The following NETO2 variants were observed in gnomAD, a reference collection of about 807,000 sequenced individuals.
NETO2 encodes neuropilin and tolloid like 2, also known as neuropilin and tolloid-like protein 2.
NETO2 carries 28 observed loss-of-function variants against 62.5 expected under a neutral mutation model. The ratio of observed to expected loss-of-function variants is 0.45; its 90% CI spans 0.33 to 0.61. The LOEUF is 0.61. NETO2 is among the 20% of genes least tolerant of loss of function. The probability of loss-of-function intolerance (pLI) is 0.02; values close to 1 mark genes in which losing one functional copy is unlikely to be tolerated. For synonymous variants in NETO2, 214 were observed against 219.1 expected, an observed-to-expected ratio of 0.98 and a Z score of 0.21; for missense variants, 548 against 643.2, an observed-to-expected ratio of 0.85 and a Z score of 1.60.
rs761473024 is a variant in NETO2, at chr16:47,128,294, C to G, written c.481+31G>C. On this transcript the variant is annotated intron_variant, in intron 4 of 8. Transcript: ENST00000562435. ...TAAAATCAGAGTTAGAGTGAGATGC[C>G]CAACCACTTAAAAGATAACTTATTC... 4.4e-6 allele frequency: 7 copies of G among 1,597,200 alleles called. No homozygotes were observed. In the South Asian group the frequency reaches 6.8e-5, roughly 16 times the overall value.
In NETO2 at chr16:47,109,468, G is replaced by A. The variant is rs780688806; in HGVS notation, c.883+15C>T. 7 of 1,577,396 alleles carry A rather than the reference G, an allele frequency of 4.4e-6. No individual in the cohort carries two copies. In the African/African-American group the frequency reaches 9.5e-5, roughly 21 times the overall value. ...TATGTAAAAGATCTCAATACTATAG[G>A]AATTATTTACTTACGCTCCACAAAG... On this transcript the variant is annotated intron_variant, in intron 7 of 8. Transcript: ENST00000562435.
chr16:47,128,476 C>T lies in NETO2; in HGVS notation c.330G>A (p.Gly110=), dbSNP rs1444837092. The T allele has an allele frequency of 6.2e-7, 1 of 1,614,060 alleles. No homozygotes were observed. Among genetic ancestry groups the T allele is most frequent in the Admixed American group, 1.7e-5 (1 of 60,016 alleles). The part of the protein sequence containing the change: ...CRFDHLEVRD[G]PFGFSPLIDR... Reference sequence around the variant, plus strand: ...CTATAAGAGGAGAGAAACCAAATGGCCCATCTCGAACTTCCAAGTGATCAA... The same window carrying T: ...CTATAAGAGGAGAGAAACCAAATGGTCCATCTCGAACTTCCAAGTGATCAA... The change falls in exon 4 of 9, where the codon GGG becomes GGA. Residue 110 remains glycine, a synonymous_variant. Coordinates refer to ENST00000562435, the MANE Select transcript of NETO2 (RefSeq NM_018092.5).
At chr16:47,112,998 C>G (rs1963832941) in intron 6 of NETO2, among the ~76,000 whole-genome samples, 1 of 152,130 alleles carries the variant, frequency 6.6e-6, no homozygotes, top group Non-Finnish European at 1.5e-5. Flanking sequence ...TATCCATTCT[C>G]CTATTGGGCA....
chr16:47,098,917 A>G (rs1011569315), intron 7 of NETO2, among the ~76,000 whole-genome samples: 4 of 152,124 alleles, frequency 2.6e-5, no homozygotes, highest in African/African-American at 9.7e-5. Flanking sequence ...TCGCTCTGTC[A>G]CAATCTAGGC....
intron 7 of NETO2, among the ~76,000 whole-genome samples, chr16:47,105,756 CAA>C (rs1471482327): frequency 6.6e-6 from 1 of 152,156 alleles, no homozygotes; most frequent in Admixed American, 6.5e-5. Flanking sequence ...TTAGGCAAAT[CAA>C]AACCACAATG....
At chr16:47,099,182 C>T (rs1366768718) in intron 7 of NETO2, among the ~76,000 whole-genome samples, 2 of 152,158 alleles carry the variant, frequency 1.3e-5, no homozygotes, top group Non-Finnish European at 2.9e-5. Context: ...AAAGAATTTT[C>T]AACCCAGAAT....
At chr16:47,143,429 G>A in intron 1 of NETO2, 150 bp downstream of exon 1, 1 of 985,678 alleles carries the variant, frequency 1.0e-6, no homozygotes, top group East Asian at 4.0e-5. Context: ...CTCGCGCCCC[G>A]CGGTCCGCTC....
rs897582674 is a variant in NETO2 at position 47,080,283 on chromosome 16, T to C, written c.*2938A>G. 2 of 152,220 alleles carry C rather than the reference T, an allele frequency of 1.3e-5. No homozygotes were observed. The highest frequency in any genetic ancestry group is 2.9e-5 in the Non-Finnish European group (2 of 68,040). The allele number at this position is 152,220 out of a possible 1,614,324, so 9.4% of individuals were successfully genotyped here. ...AGATGGAAGATAATGGTGACAGTAT[T>C]ATACAGGTATACTTAATGCTGTTTC... On this transcript the variant is annotated 3_prime_UTR_variant, in exon 9 of 9. Transcript: ENST00000562435.
chr16:47,138,208 T>C (rs1188691949), intron 1 of NETO2, among the ~76,000 whole-genome samples: 4 of 152,198 alleles, frequency 2.6e-5, no homozygotes, highest in African/African-American at 9.6e-5. Context: ...AAGACCAGCC[T>C]GAACAATATG....
intron 7 of NETO2, among the ~76,000 whole-genome samples, chr16:47,092,187 G>C (rs1963326740): frequency 6.6e-6 from 1 of 152,100 alleles, no homozygotes; most frequent in South Asian, 2.1e-4. Context: ...GGCATACTCA[G>C]AATGCCCCTC....
chr16:47,143,148 T>C (rs1396658723), intron 1 of NETO2, among the ~76,000 whole-genome samples: 2 of 152,038 alleles, frequency 1.3e-5, no homozygotes, highest in Non-Finnish European at 2.9e-5. Context: ...GGCCGCGGCT[T>C]TTATTGTTCT....
At position 47,109,701 on chromosome 16, in the gene NETO2, C is replaced by T; in HGVS notation, c.665G>A (p.Arg222Lys). 2.5e-6 allele frequency: 4 copies of T among 1,608,084 alleles called. No homozygotes were observed. Among genetic ancestry groups the T allele is most frequent in the Non-Finnish European group, 3.4e-6 (4 of 1,174,734 alleles). The change falls in exon 7 of 9, where the codon AGG becomes AAG. Residue 222 changes from arginine (R) to lysine (K), a missense_variant. By Grantham distance (26) the Arg-to-Lys change is conservative. Transcript: ENST00000562435. ...GTGCTCCATTTGATAATCTAGGAAC[C>T]TCAAATAAATCTGTAATATTAACAC... The part of the protein sequence containing the change: ...KATPKAKIYL[R>K]FLDYQMEHSN...
chr16:47,134,683 C>T (rs1453656659), intron 1 of NETO2, among the ~76,000 whole-genome samples: 2 of 152,128 alleles, frequency 1.3e-5, no homozygotes, highest in Non-Finnish European at 2.9e-5. Flanking sequence ...AAGCAAATAA[C>T]CACACAAAGC....
At chr16:47,110,784 A>G (rs1450074597) in intron 6 of NETO2, among the ~76,000 whole-genome samples, 5 of 152,174 alleles carry the variant, frequency 3.3e-5, no homozygotes, top group African/African-American at 1.2e-4. Context: ...TTAATAAAAC[A>G]AAAATGTCAT....
At chr16:47,121,319 G>A (rs908712710) in intron 6 of NETO2, among the ~76,000 whole-genome samples, 3 of 152,110 alleles carry the variant, frequency 2.0e-5, no homozygotes, top group Admixed American at 1.3e-4. Context: ...GAGCTGACCT[G>A]CAGCAGTGTT....
intron 3 of NETO2, among the ~76,000 whole-genome samples, chr16:47,128,776 T>C (rs1359461791): frequency 2.6e-5 from 4 of 152,206 alleles, no homozygotes; most frequent in African/African-American, 4.8e-5. Flanking sequence ...ATCTTTTCCA[T>C]TGGCATATGC....
At chr16:47,121,060 G>A (rs1964028858) in intron 6 of NETO2, among the ~76,000 whole-genome samples, 1 of 152,122 alleles carries the variant, frequency 6.6e-6, no homozygotes. Context: ...ACCTCTTCCA[G>A]CGATACACTC....
intron 4 of NETO2, among the ~76,000 whole-genome samples, chr16:47,126,761 A>T (rs1380099215): frequency 6.6e-6 from 1 of 152,202 alleles, no homozygotes; most frequent in African/African-American, 2.4e-5. Flanking sequence ...TGTGAACCTA[A>T]AACTGTTCTA....
chr16:47,136,129 A>T (rs1002665968), intron 1 of NETO2, among the ~76,000 whole-genome samples: 1 of 152,200 alleles, frequency 6.6e-6, no homozygotes, highest in African/African-American at 2.4e-5. Context: ...AGACTTTGTT[A>T]TACTGGCCAA....
Sources: gnomAD v4.1 joint callset for allele counts (sites outside exome capture counted in the v4.1 genomes callset) on GRCh38, gnomAD v4.1.1 for gene constraint, MANE v1.5 for transcripts, NCBI Gene and HGNC (gene_info 2026-07-23, HGNC 2026-07-21) for gene names.